The following EPHA5 variants were observed in gnomAD, a reference collection of about 807,000 sequenced individuals.
The protein encoded by EPHA5 is EPH receptor A5.
A neutral mutation model predicts 105.0 loss-of-function variants in EPHA5; 60 were observed. The ratio of observed to expected loss-of-function variants is 0.57; its 90% CI spans 0.46 to 0.71. The LOEUF (loss-of-function observed/expected upper bound fraction) is 0.71. Among genes scored for constraint, EPHA5 ranks in the 30% least tolerant of loss-of-function variants. EPHA5 has a pLI of 0.00. For synonymous variants in EPHA5, 513 were observed against 449.1 expected (o/e 1.14, Z -1.80); for missense variants, 1,218 against 1,274.7 (o/e 0.96, Z 0.68).
chr4:65,650,559 C>CAAAAAAAA (rs59357895), intron 1 of EPHA5, among the ~76,000 whole-genome samples: 3 of 117,014 alleles, frequency 2.6e-5, no homozygotes, highest in African/African-American at 3.7e-5. Context: ...GACTCAGTCT[C>CAAAAAAAA]AAAAAAAAAA....
chr4:65,348,815 A>ATATATTTTTTT (rs71657404), intron 13 of EPHA5, among the ~76,000 whole-genome samples: 1 of 64,120 alleles, frequency 1.6e-5, no homozygotes, highest in Non-Finnish European at 2.7e-5. Context: ...ATATATATAT[A>ATATATTTTTTT]TTTTTTTTTT....
Position 65,522,316 on chromosome 4 carries a change from G to GTATATATATATATATATATACATATA in EPHA5, c.911-26774_911-26773insTATATGTATATATATATATATATATA, listed in dbSNP as rs58851174. On this transcript the variant is annotated intron_variant, in intron 3 of 16. Transcript: ENST00000613740. ...GAAATATGTGTGTGTATATATATAT[G>GTATATATATATATATATATACATATA]TATATATATATATATATAAAATCAA... Among the ~76,000 whole-genome samples the GTATATATATATATATATATACATATA allele has an allele frequency of 5.4e-3, 772 of 142,832 alleles. 12 individuals carry two copies. Among genetic ancestry groups the GTATATATATATATATATATACATATA allele is most frequent in the African/African-American group, 0.019 (727 of 37,336 alleles). 93.7% of individuals were successfully genotyped at this position (142,832 alleles called of 152,430 possible).
chr4:65,489,716 A>T (rs1731223390), intron 5 of EPHA5, among the ~76,000 whole-genome samples: 1 of 152,196 alleles, frequency 6.6e-6, no homozygotes, highest in Non-Finnish European at 1.5e-5. Flanking sequence ...TTTGAGGGGA[A>T]AATATAGACA....
chr4:65,429,291 A>C (rs1316122956), intron 5 of EPHA5, among the ~76,000 whole-genome samples: 1 of 152,034 alleles, frequency 6.6e-6, no homozygotes, highest in Non-Finnish European at 1.5e-5. Context: ...AATTTTCAAT[A>C]ATGTTTTATC....
At chr4:65,483,696 G>C (rs1730605436) in intron 5 of EPHA5, among the ~76,000 whole-genome samples, 1 of 152,006 alleles carries the variant, frequency 6.6e-6, no homozygotes, top group Non-Finnish European at 1.5e-5. Flanking sequence ...TTTTTGTCTT[G>C]GGTTCATATT....
At chr4:65,348,242 T>A (rs1560437119) in intron 13 of EPHA5, 39 bp from the exon 14 acceptor site, 1 of 1,575,616 alleles carries the variant, frequency 6.3e-7, no homozygotes, top group Admixed American at 1.7e-5. Context: ...CCTACATACT[T>A]CAAATGTGCC....
chr4:65,478,240 T>C (rs1376599421), intron 5 of EPHA5, among the ~76,000 whole-genome samples: 1 of 152,140 alleles, frequency 6.6e-6, no homozygotes, highest in Admixed American at 6.6e-5. Context: ...CACAGAAGCA[T>C]CAGTGTGAGG....
intron 5 of EPHA5, among the ~76,000 whole-genome samples, chr4:65,482,854 G>A (rs77774744): frequency 4.4e-5 from 2 of 45,654 alleles, no homozygotes; most frequent in African/African-American, 1.3e-4. Context: ...TTTTTTTTTA[G>A]AGGATCTTTT....
At chr4:65,465,536 GGA>G (rs1163763568) in intron 5 of EPHA5, among the ~76,000 whole-genome samples, 4 of 69,158 alleles carry the variant, frequency 5.8e-5, no homozygotes, top group African/African-American at 1.9e-4. Flanking sequence ...AGAAAAGAAA[GGA>G]AAGGAAGGAA....
chr4:65,523,702 C>G (rs1203294815), intron 3 of EPHA5, among the ~76,000 whole-genome samples: 1 of 151,940 alleles, frequency 6.6e-6, no homozygotes, highest in Non-Finnish European at 1.5e-5. Context: ...ATAAAAAGTA[C>G]ATTTCAAATA....
intron 1 of EPHA5, among the ~76,000 whole-genome samples, chr4:65,668,559 C>T (rs183534716): frequency 6.6e-6 from 1 of 152,068 alleles, no homozygotes; most frequent in Admixed American, 6.6e-5. Flanking sequence ...GAGGAGCAAG[C>T]GCTGCTGGAG....
chr4:65,387,624 TA>T (rs1193855656), intron 8 of EPHA5, among the ~76,000 whole-genome samples: 1 of 151,738 alleles, frequency 6.6e-6, no homozygotes, highest in Non-Finnish European at 1.5e-5. Context: ...AGAGAAGAGG[TA>T]AATCCAAAAG....
In EPHA5 at chr4:65,488,400, C is replaced by T. The variant is rs536183758; in HGVS notation, c.1402+1977G>A. Among the ~76,000 whole-genome samples the T allele has an allele frequency of 7.2e-5, 11 of 151,954 alleles. No individual in the cohort carries two copies. The South Asian group carries it at 1.7e-3, about 23-fold the overall frequency. On this transcript the variant is annotated intron_variant, in intron 5 of 16. Transcript: ENST00000613740. ...ACAATATGTTGGTAGAAGATTCATA[C>T]GTAGAATCAAGTAAAGTTGAAAGAT...
chr4:65,409,225 G>A (rs1456420799), intron 7 of EPHA5, among the ~76,000 whole-genome samples: 24 of 127,602 alleles, frequency 1.9e-4, no homozygotes, highest in African/African-American at 6.5e-4. Context: ...AGCACTGGGA[G>A]ATATACCTAA....
Position 65,427,338 on chromosome 4 carries a change from T to C in EPHA5, c.1403-6773A>G, listed in dbSNP as rs149499218. Reference sequence around the variant, plus strand: ...TAGCTGGGGTTAAGGCGCCTGCCACTGCACCCGGCTAATTTTTGTATTTTT... The same window carrying C: ...TAGCTGGGGTTAAGGCGCCTGCCACCGCACCCGGCTAATTTTTGTATTTTT... On this transcript the variant is annotated intron_variant, in intron 5 of 16. Transcript: ENST00000613740. 8.5e-3 allele frequency among the ~76,000 whole-genome samples: 1,292 copies of C among 151,742 alleles called. 5 individuals are homozygous for C. Among genetic ancestry groups the C allele is most frequent in the Non-Finnish European group, 0.014 (971 of 67,844 alleles).
rs969826381 is a variant in EPHA5 at position 65,538,338 on chromosome 4, G to A, written c.911-42795C>T. On this transcript the variant is annotated intron_variant, in intron 3 of 16. Transcript: ENST00000613740. ...GCACCAATTCAGCAAAAATGTTTAGGGTAATCAAAAATTGATTATGTTAAA... is the reference window on the plus strand; with the variant it reads ...GCACCAATTCAGCAAAAATGTTTAGAGTAATCAAAAATTGATTATGTTAAA... 4.0e-5 allele frequency among the ~76,000 whole-genome samples: 6 copies of A among 151,510 alleles called. No individual in the cohort carries two copies. The Admixed American group carries it at 4.0e-4, about 10-fold the overall frequency.
chr4:65,466,278 A>T (rs537600120), intron 5 of EPHA5, among the ~76,000 whole-genome samples: 250 of 152,368 alleles, frequency 1.6e-3, no homozygotes, highest in African/African-American at 5.6e-3. Flanking sequence ...GCAGACATAA[A>T]AACAAGCATA....
At chr4:65,513,934 T>G (rs145135867) in intron 3 of EPHA5, among the ~76,000 whole-genome samples, 2 of 152,326 alleles carry the variant, frequency 1.3e-5, no homozygotes, top group East Asian at 3.9e-4. Context: ...TGAATCCACC[T>G]GTCTCACTTC....
Position 65,324,114 on chromosome 4 carries a change from T to C in EPHA5, c.3051A>G (p.Ter1017=). Residue 1017 remains the stop codon, a stop_retained_variant, in exon 17 of 17, where the codon TAA becomes TAG. Coordinates refer to ENST00000613740, the MANE Select transcript of EPHA5 (RefSeq NM_001281766.3). ...VQLVNGMVPL[*] Reference sequence around the variant, plus strand: ...TTGAAGAAGCGACATTTACATGAAGTTACAATGGCACCATTCCGTTTACCA... The same window carrying C: ...TTGAAGAAGCGACATTTACATGAAGCTACAATGGCACCATTCCGTTTACCA... The C allele has an allele frequency of 6.2e-7, 1 of 1,601,466 alleles. No homozygotes were observed. The highest frequency in any genetic ancestry group is 8.5e-7 in the Non-Finnish European group (1 of 1,170,252).
Sources: gnomAD v4.1 joint callset for allele counts (sites outside exome capture counted in the v4.1 genomes callset) on GRCh38, gnomAD v4.1.1 for gene constraint, MANE v1.5 for transcripts, NCBI Gene and HGNC (gene_info 2026-07-23, HGNC 2026-07-21) for gene names.